The following ZNF234 variants were observed in gnomAD, a reference collection of about 807,000 sequenced individuals.
ZNF234 encodes the protein C2-H2 type zinc finger protein.
In ZNF234, 4 loss-of-function variants were observed where a neutral mutation model predicts 10.3. The observed-to-expected ratio is 0.39, with a 90% CI of 0.19 to 0.89. The LOEUF (loss-of-function observed/expected upper bound fraction) is 0.89, where lower values mean the gene tolerates loss of function less well. Among genes scored for constraint, ZNF234 ranks in the 40% least tolerant of loss-of-function variants. ZNF234 has a pLI of 0.38. For synonymous variants in ZNF234, 258 were observed against 280.1 expected, an observed-to-expected ratio of 0.92 and a Z score of 0.79; for missense variants, 711 against 836.1, an observed-to-expected ratio of 0.85 and a Z score of 1.85.
intron 5 of ZNF234, among the ~76,000 whole-genome samples, chr19:44,151,315 G>A (rs1968739211): frequency 6.6e-6 from 1 of 152,014 alleles, no homozygotes; most frequent in Non-Finnish European, 1.5e-5. Flanking sequence ...CGATTCTTCT[G>A]CCTCAGCCTC....
At chr19:44,151,609 C>G (rs904410099) in intron 5 of ZNF234, among the ~76,000 whole-genome samples, 2 of 152,044 alleles carry the variant, frequency 1.3e-5, no homozygotes, top group Admixed American at 1.3e-4. Context: ...ATGGGTCTCA[C>G]TACGCTGAAA....
Position 44,157,628 on chromosome 19 carries a change from A to C in ZNF234, c.1612A>C (p.Lys538Gln), listed in dbSNP as rs757021458. Residue 538 changes from lysine (K) to glutamine (Q), a missense_variant, in exon 6 of 6, where the codon AAA becomes CAA. Lys to Gln is a moderately conservative substitution (Grantham distance 53, BLOSUM62 1). Coordinates refer to ENST00000426739, the MANE Select transcript of ZNF234 (RefSeq NM_006630.3). ...LTHQRVHSGE[K>Q]PFKCEECGKS... ...CCATCAGAGAGTTCACAGTGGGGAAAAACCATTTAAATGTGAAGAGTGTGG... is the reference window on the plus strand; with the variant it reads ...CCATCAGAGAGTTCACAGTGGGGAACAACCATTTAAATGTGAAGAGTGTGG... 6 of 1,613,918 alleles carry C rather than the reference A, an allele frequency of 3.7e-6. No homozygotes were observed. The African/African-American group carries it at 8.0e-5, about 22-fold the overall frequency.
intron 2 of ZNF234, among the ~76,000 whole-genome samples, chr19:44,144,329 A>G (rs1041908171): frequency 5.3e-5 from 8 of 152,174 alleles, no homozygotes; most frequent in South Asian, 2.1e-4. Flanking sequence ...ATGTTGTAGC[A>G]TGAGTCAGTA....
At chr19:44,148,092 T>C (rs2147611107) in intron 3 of ZNF234, among the ~76,000 whole-genome samples, 1 of 152,304 alleles carries the variant, frequency 6.6e-6, no homozygotes, top group East Asian at 1.9e-4. Context: ...CCATACACTA[T>C]TCCAAATGCT....
In ZNF234 at chr19:44,157,648, G is replaced by A; in HGVS notation, c.1632G>A (p.Glu544=). 1 of 1,613,666 alleles carries A rather than the reference G, an allele frequency of 6.2e-7. No individual in the cohort carries two copies. The highest frequency in any genetic ancestry group is 8.5e-7 in the Non-Finnish European group (1 of 1,179,922). ...GGGAAAAACCATTTAAATGTGAAGA[G>A]TGTGGGAAGAGCTTCAGTCGGAGTG... ...HSGEKPFKCE[E]CGKSFSRSAH... The change falls in exon 6 of 6, where the codon GAG becomes GAA. Residue 544 remains glutamate, a synonymous_variant. Coordinates refer to ENST00000426739, the MANE Select transcript of ZNF234 (RefSeq NM_006630.3).
intron 3 of ZNF234, among the ~76,000 whole-genome samples, chr19:44,146,690 A>G (rs1968602798): frequency 6.6e-6 from 1 of 152,036 alleles, no homozygotes; most frequent in South Asian, 2.1e-4. Flanking sequence ...ATAATCAAGT[A>G]AGTAAGAATA....
chr19:44,143,757 A>T (rs558357073), intron 2 of ZNF234, among the ~76,000 whole-genome samples: 1 of 152,186 alleles, frequency 6.6e-6, no homozygotes, highest in Non-Finnish European at 1.5e-5. Context: ...GGTTGCAGTG[A>T]GCCAAGATTG....
Position 44,156,757 on chromosome 19 carries a change from T to A in ZNF234, c.741T>A (p.Leu247=), listed in dbSNP as rs754756603. The change falls in exon 6 of 6, where the codon CTT becomes CTA. Residue 247 remains leucine, a synonymous_variant. Coordinates refer to ENST00000426739, the MANE Select transcript of ZNF234 (RefSeq NM_006630.3). Reference sequence around the variant, plus strand: ...AAGGCTTCAGTCGTAGATCAACACTTACTGTACATTGCAAATTACACTCAG... The same window carrying A: ...AAGGCTTCAGTCGTAGATCAACACTAACTGTACATTGCAAATTACACTCAG... ...CGKGFSRRST[L]TVHCKLHSGE... 1 of 1,613,764 alleles carries A rather than the reference T, an allele frequency of 6.2e-7. No homozygotes were observed. The highest frequency in any genetic ancestry group is 1.7e-5 in the Admixed American group (1 of 60,012).
chr19:44,158,707 T>C lies in ZNF234; in HGVS notation c.*588T>C, dbSNP rs752194876. On this transcript the variant is annotated 3_prime_UTR_variant, in exon 6 of 6. Coordinates refer to ENST00000426739, the MANE Select transcript of ZNF234 (RefSeq NM_006630.3). Reference sequence around the variant, plus strand: ...TGTTAAGTGGTACAGTAAAGCATTCTGTCAAAACTTTGACATTTATGACAT... The same window carrying C: ...TGTTAAGTGGTACAGTAAAGCATTCCGTCAAAACTTTGACATTTATGACAT... The C allele has an allele frequency of 2.5e-4, 38 of 154,230 alleles. No homozygotes were observed. Among genetic ancestry groups the C allele is most frequent in the Non-Finnish European group, 4.9e-4 (34 of 69,408 alleles). 9.6% of individuals were successfully genotyped at this position (154,230 alleles called of 1,614,324 possible).
At position 44,151,289 on chromosome 19, in the gene ZNF234, G is replaced by A. The variant is rs909378023; in HGVS notation, c.235+784G>A. Among the ~76,000 whole-genome samples the A allele has an allele frequency of 4.6e-5, 7 of 151,882 alleles. No individual in the cohort carries two copies. The East Asian group carries it at 5.8e-4, about 13-fold the overall frequency. On this transcript the variant is annotated intron_variant, in intron 5 of 5. Transcript: ENST00000426739. ...GCAATCTCAGCTCACTGCCACCTCC[G>A]CCTCCCAGGTTCAAGCGATTCTTCT...
rs928076086 is a variant in ZNF234, at chr19:44,160,095, G to A, written c.*1976G>A. 2.0e-5 allele frequency: 3 copies of A among 151,466 alleles called. No homozygotes were observed. Among genetic ancestry groups the A allele is most frequent in the African/African-American group, 2.4e-5 (1 of 41,146 alleles). The allele number at this position is 151,466 out of a possible 1,614,324, so 9.4% of individuals were successfully genotyped here. On this transcript the variant is annotated 3_prime_UTR_variant, in exon 6 of 6. Coordinates refer to ENST00000426739, the MANE Select transcript of ZNF234 (RefSeq NM_006630.3). The stretch of plus-strand genomic sequence containing the variant: ...CATATTTTTGCCCCACACCCATTAA[G>A]CGAATACCAAAAACAACTTGTGGAA...
chr19:44,148,417 A>G (rs1968655054), intron 3 of ZNF234, among the ~76,000 whole-genome samples: 1 of 152,222 alleles, frequency 6.6e-6, no homozygotes, highest in Admixed American at 6.5e-5. Flanking sequence ...GGGTGTTATC[A>G]TGTATGTTGG....
intron 5 of ZNF234, among the ~76,000 whole-genome samples, chr19:44,151,709 A>C (rs1297822866): frequency 6.6e-6 from 1 of 152,090 alleles, no homozygotes; most frequent in African/African-American, 2.4e-5. Flanking sequence ...GGGGCTGCCA[A>C]ATTTCATAGC....
intron 2 of ZNF234, 141 bp downstream of exon 2, chr19:44,142,508 G>A (rs1250824602): frequency 6.6e-6 from 1 of 152,188 alleles, no homozygotes; most frequent in Non-Finnish European, 1.5e-5. Context: ...CGTTTAAGCC[G>A]CAACGTGACT....
At chr19:44,150,200 A>C (rs1396060151) in intron 4 of ZNF234, among the ~76,000 whole-genome samples, 2 of 152,170 alleles carry the variant, frequency 1.3e-5, no homozygotes, top group Non-Finnish European at 2.9e-5. Context: ...CAAGCGAACT[A>C]ACTCCTTTCA....
Position 44,159,146 on chromosome 19 carries a change from A to C in ZNF234, c.*1027A>C, listed in dbSNP as rs1225417165. On this transcript the variant is annotated 3_prime_UTR_variant, in exon 6 of 6. Coordinates refer to ENST00000426739, the MANE Select transcript of ZNF234 (RefSeq NM_006630.3). ...ATTGAGAGCCTGTCTAGTTTCCCAA[A>C]GGTTTTATAAAACATAAGTTGAAGT... The C allele has an allele frequency of 1.3e-5, 2 of 152,182 alleles. No individual in the cohort carries two copies. Among genetic ancestry groups the C allele is most frequent in the African/African-American group, 4.8e-5 (2 of 41,396 alleles). 9.4% of individuals were successfully genotyped at this position (152,182 alleles called of 1,614,324 possible). A position where few individuals can be genotyped will look rare whatever the true frequency, so the allele number is the denominator to read the frequency against.
chr19:44,148,285 C>T (rs140428185), intron 3 of ZNF234, among the ~76,000 whole-genome samples: 9 of 152,250 alleles, frequency 5.9e-5, no homozygotes, highest in South Asian at 2.1e-4. Context: ...GCTGTGTGCC[C>T]TGGGTGTACA....
rs749827334 is a variant in ZNF234 at position 44,157,668 on chromosome 19, G to A, written c.1652G>A (p.Arg551Gln). The A allele has an allele frequency of 8.1e-6, 13 of 1,613,414 alleles. No individual in the cohort carries two copies. Among genetic ancestry groups the A allele is most frequent in the Admixed American group, 1.7e-5 (1 of 59,954 alleles). ...KCEECGKSFS[R>Q]SAHLQAHQKV... ...GAAGAGTGTGGGAAGAGCTTCAGTC[G>A]GAGTGCACACCTTCAAGCCCATCAA... Residue 551 changes from arginine (R) to glutamine (Q), a missense_variant, in exon 6 of 6, where the codon CGG (arginine) becomes CAG (glutamine). Coordinates refer to ENST00000426739, the MANE Select transcript of ZNF234 (RefSeq NM_006630.3).
chr19:44,149,865 G>A (rs1251292810), intron 4 of ZNF234: 1 of 152,366 alleles, frequency 6.6e-6, no homozygotes, highest in Non-Finnish European at 1.5e-5. Context: ...GGAGCCCACT[G>A]TACCTATGCC....
Sources: gnomAD v4.1 joint callset for allele counts (sites outside exome capture counted in the v4.1 genomes callset) on GRCh38, gnomAD v4.1.1 for gene constraint, MANE v1.5 for transcripts, NCBI Gene and HGNC (gene_info 2026-07-23, HGNC 2026-07-21) for gene names.